ARHGAP5: variants seen among roughly 807,000 people sequenced by gnomAD.
ARHGAP5 encodes Rho GTPase activating protein 5.
ARHGAP5 carries 23 observed loss-of-function variants against 116.6 expected under a neutral mutation model. The ratio of observed to expected loss-of-function variants is 0.20; its 90% confidence interval spans 0.14 to 0.28. The LOEUF is 0.28. ARHGAP5 is among the 10% of genes least tolerant of loss of function. The pLI is 1.00. For missense variants in ARHGAP5, 1,405 were observed against 1,774.8 expected, an observed-to-expected ratio of 0.79 and a Z score of 3.74; for synonymous variants, 574 against 602.0, an observed-to-expected ratio of 0.95 and a Z score of 0.68.
chr14:32,103,734 C>T (rs778881810), intron 2 of ARHGAP5, among the ~76,000 whole-genome samples: 9 of 152,086 alleles, frequency 5.9e-5, no homozygotes, highest in Non-Finnish European at 8.8e-5. Context: ...TGATTTCTTG[C>T]TCTGTAATGT....
chr14:32,105,039 G>C (rs1878945486), intron 2 of ARHGAP5, among the ~76,000 whole-genome samples: 1 of 152,054 alleles, frequency 6.6e-6, no homozygotes, highest in African/African-American at 2.4e-5. Flanking sequence ...GAATTCACAG[G>C]CCATCTTCCA....
chr14:32,122,224 A>G (rs910287528), intron 3 of ARHGAP5, among the ~76,000 whole-genome samples: 1 of 152,160 alleles, frequency 6.6e-6, no homozygotes, highest in African/African-American at 2.4e-5. Context: ...TGGTAATGTG[A>G]AATGTATCTC....
intron 3 of ARHGAP5, among the ~76,000 whole-genome samples, chr14:32,121,799 G>T (rs1594371707): frequency 6.6e-6 from 1 of 152,022 alleles, no homozygotes; most frequent in South Asian, 2.1e-4. Context: ...TTACAGGCTT[G>T]CCTGTTCCTG....
chr14:32,081,279 A>C (rs147236060), intron 1 of ARHGAP5, among the ~76,000 whole-genome samples: 1 of 152,240 alleles, frequency 6.6e-6, no homozygotes, highest in Non-Finnish European at 1.5e-5. Flanking sequence ...AAAGTTATTT[A>C]GCTAAAGGAA....
In ARHGAP5 at chr14:32,108,735, T is replaced by C. The variant is rs1343727326; in HGVS notation, c.3718-8405T>C. ...GGTTGAAAGTCATTGGAGTAAAATA[T>C]GATTTTAGATCTCTTCCCTTTTTGG... On this transcript the variant is annotated intron_variant, in intron 2 of 6. Coordinates refer to ENST00000345122, the MANE Select transcript of ARHGAP5 (RefSeq NM_001030055.2). Among the ~76,000 whole-genome samples, 5 of 152,146 alleles carry C rather than the reference T, an allele frequency of 3.3e-5. No individual in the cohort carries two copies. The East Asian group carries it at 9.6e-4, about 29-fold the overall frequency.
chr14:32,112,982 A>G (rs537909674), intron 2 of ARHGAP5, among the ~76,000 whole-genome samples: 1 of 152,368 alleles, frequency 6.6e-6, no homozygotes, highest in East Asian at 1.9e-4. Context: ...AGATATAAAC[A>G]ATAAAATACC....
intron 2 of ARHGAP5, among the ~76,000 whole-genome samples, chr14:32,114,005 G>T (rs1879432598): frequency 6.6e-6 from 1 of 152,178 alleles, no homozygotes; most frequent in South Asian, 2.1e-4. Flanking sequence ...GAGGCGGGCA[G>T]ATCACGAGGT....
At chr14:32,143,266 G>A (rs1035615301) in intron 3 of ARHGAP5, among the ~76,000 whole-genome samples, 8 of 148,658 alleles carry the variant, frequency 5.4e-5, no homozygotes, top group Admixed American at 4.0e-4. Flanking sequence ...TATTTGAGAC[G>A]GAGACTTGCT....
Position 32,093,794 on chromosome 14 carries a change from C to T in ARHGAP5, c.3125C>T (p.Pro1042Leu). The T allele has an allele frequency of 1.2e-6, 2 of 1,614,020 alleles. No homozygotes were observed. Among genetic ancestry groups the T allele is most frequent in the Non-Finnish European group, 1.7e-6 (2 of 1,179,946 alleles). The change falls in exon 2 of 7, where the codon CCT (proline) becomes CTT (leucine). Residue 1042 changes from proline to leucine, a missense_variant. By Grantham distance (98) the Pro-to-Leu change is moderately conservative (BLOSUM62 -3). Around this residue, in one of 6 missense-constraint regions of ARHGAP5, gnomAD observed 944 missense variants for 1,095.3 expected, o/e 0.86. Transcript: ENST00000345122. ...CATAAAGTGCCTCCACCTATTAAAC[C>T]TAAACCAGTTGTACCTAAGACAAAT... ...RNHKVPPPIK[P>L]KPVVPKTNVK...
chr14:32,089,695 A>G (rs1406055062), intron 1 of ARHGAP5, among the ~76,000 whole-genome samples: 2 of 152,006 alleles, frequency 1.3e-5, no homozygotes, highest in East Asian at 3.9e-4. Flanking sequence ...TATGAGAGGA[A>G]GTATATCCAG....
At chr14:32,085,886 GCTAAGTA>G (rs2041824544) in intron 1 of ARHGAP5, among the ~76,000 whole-genome samples, 1 of 151,954 alleles carries the variant, frequency 6.6e-6, no homozygotes, top group Non-Finnish European at 1.5e-5. Context: ...TGTTATGCTG[GCTAAGTA>G]CATTATTATA....
intron 6 of ARHGAP5, chr14:32,153,912 GAGAA>G (rs780672160): frequency 1.3e-4 from 20 of 151,160 alleles, no homozygotes; most frequent in Non-Finnish European, 2.1e-4. Context: ...AGAAAGGAGA[GAGAA>G]AGAAAGAGAG....
rs11844095 is a variant in ARHGAP5, at chr14:32,142,873, G to A, written c.3866-3390G>A. ...TTCTGGCAGCTCATTAGTCGCTTTT[G>A]TTGGGGGACTGAGTCCTGGAATTCT... is the stretch of plus-strand genomic sequence containing the variant. On this transcript the variant is annotated intron_variant, in intron 3 of 6. Coordinates refer to ENST00000345122, the MANE Select transcript of ARHGAP5 (RefSeq NM_001030055.2). 8.3e-3 allele frequency among the ~76,000 whole-genome samples: 1,270 copies of A among 152,276 alleles called. 11 individuals carry two copies. The highest frequency in any genetic ancestry group is 0.023 in the African/African-American group (947 of 41,550).
Position 32,090,729 on chromosome 14 carries a change from C to G in ARHGAP5, c.60C>G (p.Leu20=), listed in dbSNP as rs146791896. 6.2e-7 allele frequency: 1 copy of G among 1,613,356 alleles called. No homozygotes were observed. Among genetic ancestry groups the G allele is most frequent in the East Asian group, 2.2e-5 (1 of 44,870 alleles). The change falls in exon 2 of 7, where the codon CTC becomes CTG. Residue 20 remains leucine, a synonymous_variant. Transcript: ENST00000345122. ...PPSYTISIVG[L]SGTEKDKGNC... ...CCTATACCATCAGTATAGTTGGACT[C>G]TCTGGGACTGAAAAAGACAAAGGTA...
intron 1 of ARHGAP5, among the ~76,000 whole-genome samples, chr14:32,079,003 A>G (rs1399910221): frequency 6.6e-6 from 1 of 152,154 alleles, no homozygotes; most frequent in Non-Finnish European, 1.5e-5. Context: ...TATCCTTTGT[A>G]TACTAATTGA....
chr14:32,147,167 A>G (rs983433190), intron 4 of ARHGAP5, among the ~76,000 whole-genome samples: 3 of 152,220 alleles, frequency 2.0e-5, no homozygotes, highest in East Asian at 1.9e-4. Flanking sequence ...AATGAAAACC[A>G]TAAGTACTAG....
rs1334963183 is a variant in ARHGAP5 at position 32,092,880 on chromosome 14, T to C, written c.2211T>C (p.Tyr737=). Residue 737 remains tyrosine (Y), a synonymous_variant, in exon 2 of 7, where the codon TAT becomes TAC. Coordinates refer to ENST00000345122, the MANE Select transcript of ARHGAP5 (RefSeq NM_001030055.2). This position sits in a 1 kb window ranked among gnomAD's most constrained non-coding sequence, Gnocchi z 4.1. ...CPFVDVPAGT[Y]PRKFNETQIK... Reference sequence around the variant, plus strand: ...TTGTAGATGTACCTGCTGGTACATATCCTCGTAAATTTAATGAAACCCAAA... The same window carrying C: ...TTGTAGATGTACCTGCTGGTACATACCCTCGTAAATTTAATGAAACCCAAA... The C allele has an allele frequency of 6.2e-7, 1 of 1,613,954 alleles. No individual in the cohort carries two copies. Among genetic ancestry groups the C allele is most frequent in the Non-Finnish European group, 8.5e-7 (1 of 1,179,900 alleles).
At position 32,159,502 on chromosome 14, in the gene ARHGAP5, C is replaced by T. The variant is rs1034603335; in HGVS notation, c.*4554C>T. The T allele has an allele frequency of 1.6e-4, 25 of 152,078 alleles. No individual in the cohort carries two copies. Among genetic ancestry groups the T allele is most frequent in the Non-Finnish European group, 2.8e-4 (19 of 67,998 alleles). 9.4% of individuals were successfully genotyped at this position (152,078 alleles called of 1,614,324 possible). ...ATTGACCTATTTATTCATTGCTTCA[C>T]TAATTCATCCAGATTAGTTTTAAGT... On this transcript the variant is annotated 3_prime_UTR_variant, in exon 7 of 7. Coordinates refer to ENST00000345122, the MANE Select transcript of ARHGAP5 (RefSeq NM_001030055.2).
intron 3 of ARHGAP5, among the ~76,000 whole-genome samples, chr14:32,137,094 A>G (rs898753438): frequency 6.6e-6 from 1 of 151,754 alleles, no homozygotes; most frequent in Non-Finnish European, 1.5e-5. Flanking sequence ...TTATTTTTAA[A>G]TAAATTGGAT....
Sources: gnomAD v4.1 joint callset for allele counts (sites outside exome capture counted in the v4.1 genomes callset) on GRCh38, gnomAD v4.1.1 for gene constraint, gnomAD v4.1.1 regional missense constraint, Gnocchi (gnomAD v3.1) non-coding constraint, MANE v1.5 for transcripts, NCBI Gene and HGNC (gene_info 2026-07-23, HGNC 2026-07-21) for gene names.